Variants in DOCK9 observed in about 807,000 individuals in gnomAD.
DOCK9 encodes dedicator of cytokinesis 9.
Under a neutral mutation model 263.3 loss-of-function variants are expected in DOCK9, and 89 were observed. The observed-to-expected ratio is 0.34, with a 90% CI of 0.28 to 0.40. The LOEUF (loss-of-function observed/expected upper bound fraction) is 0.40. DOCK9 is among the 10% of genes least tolerant of loss of function. DOCK9 has a pLI of 1.00. For missense variants in DOCK9, 2,140 were observed against 2,603.4 expected, an observed-to-expected ratio of 0.82 and a Z score of 3.87; for synonymous variants, 976 against 973.1, an observed-to-expected ratio of 1.00 and a Z score of -0.06.
chr13:98,803,340 A>G (rs573907302), intron 49 of DOCK9, among the ~76,000 whole-genome samples: 1 of 152,258 alleles, frequency 6.6e-6, no homozygotes, highest in Non-Finnish European at 1.5e-5. Context: ...ATGAATCCGT[A>G]CACTGCCTTA....
intron 1 of DOCK9, among the ~76,000 whole-genome samples, chr13:98,964,562 T>C (rs1222691769): frequency 6.6e-6 from 1 of 152,092 alleles, no homozygotes; most frequent in African/African-American, 2.4e-5. Context: ...TACAAACTAA[T>C]AGATATAAAA....
intron 32 of DOCK9, among the ~76,000 whole-genome samples, chr13:98,861,351 T>C (rs1467304562): frequency 1.3e-5 from 2 of 152,076 alleles, no homozygotes; most frequent in African/African-American, 4.8e-5. Context: ...GACAGAAACA[T>C]ACATGAGACT....
chr13:98,954,667 G>C (rs529255498), intron 2 of DOCK9, among the ~76,000 whole-genome samples: 1 of 152,256 alleles, frequency 6.6e-6, no homozygotes, highest in Admixed American at 6.5e-5. Flanking sequence ...AGAGTGCAGG[G>C]CCTCTGAAGG....
upstream of DOCK9, among the ~76,000 whole-genome samples, chr13:99,086,932 C>T (rs2042361593): frequency 6.6e-6 from 1 of 152,098 alleles, no homozygotes; most frequent in Non-Finnish European, 1.5e-5. Flanking sequence ...CAAGAGGGCG[C>T]ACAGCCGAGG....
intron 39 of DOCK9, 137 bp downstream of exon 39, chr13:98,837,357 T>C (rs1594525985): frequency 1.5e-5 from 9 of 611,160 alleles, no homozygotes; most frequent in African/African-American, 5.6e-5. Context: ...AATTTAAAGA[T>C]TAATGGTTTC....
intron 7 of DOCK9, among the ~76,000 whole-genome samples, chr13:98,916,588 G>A (rs2050926206): frequency 6.6e-6 from 1 of 152,162 alleles, no homozygotes; most frequent in Admixed American, 6.5e-5. Context: ...AAAGTCAAGT[G>A]CTCCCCTTGG....
intron 1 of DOCK9, among the ~76,000 whole-genome samples, chr13:99,066,165 G>A (rs554414844): frequency 7.2e-5 from 11 of 152,258 alleles, no homozygotes; most frequent in Middle Eastern, 3.4e-3. Flanking sequence ...TAGTACTTTA[G>A]CATGTTTCTT....
intron 1 of DOCK9, among the ~76,000 whole-genome samples, chr13:99,084,914 C>G (rs1007303485): frequency 5.3e-5 from 8 of 152,226 alleles, no homozygotes; most frequent in African/African-American, 1.9e-4. Flanking sequence ...TGGCCAGGTT[C>G]TGGTCTATTC....
intron 3 of DOCK9, among the ~76,000 whole-genome samples, chr13:98,926,381 TTTCTTTCCA>T (rs1271688956): frequency 2.0e-5 from 3 of 152,324 alleles, no homozygotes; most frequent in Admixed American, 6.5e-5. Context: ...GCCCTCAGTT[TTTCTTTCCA>T]TTCATAAGGA....
At chr13:98,801,622 T>C (rs888982821) in intron 49 of DOCK9, among the ~76,000 whole-genome samples, 1 of 152,204 alleles carries the variant, frequency 6.6e-6, no homozygotes. Flanking sequence ...CTATATAATA[T>C]AGAAATATCT....
intron 27 of DOCK9, 124 bp from the exon 28 acceptor site, chr13:98,868,501 C>T: frequency 1.8e-6 from 2 of 1,117,880 alleles, no homozygotes; most frequent in South Asian, 1.6e-5. Context: ...CTGTGGCTCA[C>T]ACTTGTAACC....
At chr13:98,831,945 G>T in intron 39 of DOCK9, 159 bp from the exon 40 acceptor site, 1 of 848,890 alleles carries the variant, frequency 1.2e-6, no homozygotes, top group Non-Finnish European at 1.8e-6. Context: ...GAATTCTTTT[G>T]TAGAACAAGC....
upstream of DOCK9, chr13:98,978,210 G>A (rs929489224): frequency 3.1e-5 from 25 of 816,616 alleles, no homozygotes; most frequent in African/African-American, 4.0e-4. Flanking sequence ...ATAAAGACCG[G>A]CTTTATTGTG....
intron 1 of DOCK9, among the ~76,000 whole-genome samples, chr13:98,974,506 T>C (rs1166502046): frequency 1.3e-5 from 2 of 152,018 alleles, no homozygotes; most frequent in Non-Finnish European, 2.9e-5. Flanking sequence ...TCCCAGCACT[T>C]TGGGAGGCCA....
chr13:98,925,822 A>T lies in DOCK9; in HGVS notation c.416+15T>A. On this transcript the variant is annotated intron_variant, in intron 4 of 52. Transcript: ENST00000682017. ...ACAAAGACTTTTCCCTATGTGTATA[A>T]TATAGCTTACTCACTTCGGAAGCTG... 1 of 1,534,778 alleles carries T rather than the reference A, an allele frequency of 6.5e-7. No homozygotes were observed. The highest frequency in any genetic ancestry group is 8.8e-7 in the Non-Finnish European group (1 of 1,133,786).
intron 1 of DOCK9, among the ~76,000 whole-genome samples, chr13:99,002,914 C>A (rs1257271309): frequency 5.9e-5 from 9 of 151,908 alleles, no homozygotes; most frequent in Non-Finnish European, 1.3e-4. Flanking sequence ...ATAAAGGTAA[C>A]CACAGTTTCT....
chr13:98,962,274 G>A (rs997085189), intron 1 of DOCK9, among the ~76,000 whole-genome samples: 3 of 152,136 alleles, frequency 2.0e-5, no homozygotes, highest in Non-Finnish European at 4.4e-5. Context: ...TGGATTTCTG[G>A]TGTTTATGGC....
intron 38 of DOCK9, 90 bp downstream of exon 38, chr13:98,845,834 T>C: frequency 6.6e-7 from 1 of 1,507,386 alleles, no homozygotes; most frequent in South Asian, 1.3e-5. Context: ...AAAATTGAGT[T>C]GGTGATGTGG....
intron 30 of DOCK9, chr13:98,867,096 G>A: frequency 2.2e-6 from 1 of 458,864 alleles, no homozygotes; most frequent in South Asian, 1.6e-5. Context: ...CACAGTTGGT[G>A]AAAGAAAAGC....
Sources: gnomAD v4.1 joint callset for allele counts (sites outside exome capture counted in the v4.1 genomes callset) on GRCh38, gnomAD v4.1.1 for gene constraint, MANE v1.5 for transcripts, NCBI Gene and HGNC (gene_info 2026-07-23, HGNC 2026-07-21) for gene names.